The following PARD3B variants were observed in gnomAD, a reference collection of about 807,000 sequenced individuals.
PARD3B encodes par-3 family cell polarity regulator beta.
Under a neutral mutation model 130.2 loss-of-function variants are expected in PARD3B, and 103 were observed. The observed-to-expected ratio is 0.79, with a 90% CI of 0.67 to 0.93. The LOEUF (loss-of-function observed/expected upper bound fraction) is 0.93. Among genes scored for constraint, PARD3B ranks in the 40% least tolerant of loss-of-function variants. The pLI is 0.00. For synonymous variants in PARD3B, 583 were observed against 553.2 expected (o/e 1.05, Z -0.76); for missense variants, 1,609 against 1,499.2 (o/e 1.07, Z -1.21).
At position 205,125,724 on chromosome 2, in the gene PARD3B, TGCCCCGAGA is replaced by T. The variant is rs2031308664; in HGVS notation, c.1423_1431del (p.Pro475_Glu477del). On this transcript the variant is annotated inframe_deletion, in exon 10 of 23. Coordinates refer to ENST00000406610, the MANE Select transcript of PARD3B (RefSeq NM_001302769.2). This position sits in a 1 kb window ranked among gnomAD's most constrained non-coding sequence, Gnocchi z 4.0. ...ATTGCCCGCCAAGAAGGACATTTTC[TGCCCCGAGA>T]GTTGGTAATGTTCAGATCTCAGTCT... The T allele has an allele frequency of 6.2e-7, 1 of 1,614,162 alleles. No homozygotes were observed. The highest frequency in any genetic ancestry group is 8.5e-7 in the Non-Finnish European group (1 of 1,180,028).
At chr2:205,246,031 A>G (rs1001651468) in intron 16 of PARD3B, among the ~76,000 whole-genome samples, 2 of 152,170 alleles carry the variant, frequency 1.3e-5, no homozygotes, top group African/African-American at 2.4e-5. Context: ...TTTGGGAGGA[A>G]AGAATAAAGA....
At chr2:205,200,800 C>T (rs1341481356) in intron 15 of PARD3B, among the ~76,000 whole-genome samples, 2 of 151,996 alleles carry the variant, frequency 1.3e-5, no homozygotes, top group South Asian at 2.1e-4. Flanking sequence ...ACTGAGGGGA[C>T]GTGAAGGTAT....
chr2:204,956,056 G>T (rs1054907329), intron 2 of PARD3B, among the ~76,000 whole-genome samples: 8 of 152,226 alleles, frequency 5.3e-5, no homozygotes, highest in Non-Finnish European at 1.2e-4. Context: ...AATGTCAGGA[G>T]GCCAGATTGG....
chr2:205,161,522 A>T (rs2034504202), intron 11 of PARD3B, among the ~76,000 whole-genome samples: 1 of 152,194 alleles, frequency 6.6e-6, no homozygotes, highest in Non-Finnish European at 1.5e-5. Context: ...CCAGGGGAAA[A>T]AAAAGTATTT....
At chr2:205,567,839 A>G (rs7566612) in intron 22 of PARD3B, among the ~76,000 whole-genome samples, 90,108 of 151,472 alleles carry the variant, frequency 0.59, 27,723 homozygotes, top group Middle Eastern at 0.77. Flanking sequence ...GTGAGGAAGG[A>G]AAAGGAAGAA....
intron 2 of PARD3B, among the ~76,000 whole-genome samples, chr2:204,802,751 A>C (rs1458789215): frequency 6.6e-6 from 1 of 152,102 alleles, no homozygotes; most frequent in Non-Finnish European, 1.5e-5. Flanking sequence ...ACAGAAAACC[A>C]AACACCGCAT....
At chr2:204,979,901 G>A (rs1692521142) in intron 3 of PARD3B, among the ~76,000 whole-genome samples, 1 of 152,136 alleles carries the variant, frequency 6.6e-6, no homozygotes, top group Admixed American at 6.5e-5. Context: ...GAGAGACAAT[G>A]TATAAGACTA....
At chr2:205,512,787 C>A (rs2050635621) in intron 21 of PARD3B, among the ~76,000 whole-genome samples, 1 of 152,096 alleles carries the variant, frequency 6.6e-6, no homozygotes, top group African/African-American at 2.4e-5. Context: ...ATGAGAAAGA[C>A]AATCCCCATC....
At chr2:205,322,508 G>C (rs950169690) in intron 18 of PARD3B, among the ~76,000 whole-genome samples, 5 of 152,178 alleles carry the variant, frequency 3.3e-5, no homozygotes, top group African/African-American at 1.2e-4. Flanking sequence ...AAAAAACAAA[G>C]CAGTAGTATC....
chr2:205,329,599 G>A (rs922667232), intron 18 of PARD3B, among the ~76,000 whole-genome samples: 23 of 152,346 alleles, frequency 1.5e-4, no homozygotes, highest in African/African-American at 5.3e-4. Context: ...ACATTCAGAT[G>A]TTAAGAAGCA....
chr2:204,588,039 A>G (rs1381828602), intron 1 of PARD3B, among the ~76,000 whole-genome samples: 1 of 152,156 alleles, frequency 6.6e-6, no homozygotes, highest in East Asian at 1.9e-4. Context: ...AGAATGGGCT[A>G]ATACATCCCC....
chr2:205,482,006 G>A (rs1437727794), intron 20 of PARD3B, among the ~76,000 whole-genome samples: 1 of 152,194 alleles, frequency 6.6e-6, no homozygotes. Context: ...CCCATGAGAT[G>A]TTGCAGCTAG....
Position 204,967,687 on chromosome 2 carries a change from G to C in PARD3B, c.394+2364G>C, listed in dbSNP as rs1374649763. On this transcript the variant is annotated intron_variant, in intron 3 of 22. Transcript: ENST00000406610. The surrounding 1 kb of genome is among the most constrained non-coding windows in gnomAD (Gnocchi z 4.4). The stretch of plus-strand genomic sequence containing the variant: ...AAGCAAAGAAAAAACATATTTGTCA[G>C]GTTTTTCAGATAGCGAAGTTAAAGA... Among the ~76,000 whole-genome samples, 3 of 152,200 alleles carry C rather than the reference G, an allele frequency of 2.0e-5. No homozygotes were observed. The highest frequency in any genetic ancestry group is 7.2e-5 in the African/African-American group (3 of 41,446).
At chr2:205,532,487 G>C (rs374790440) in intron 21 of PARD3B, among the ~76,000 whole-genome samples, 21 of 152,272 alleles carry the variant, frequency 1.4e-4, no homozygotes, top group African/African-American at 4.3e-4. Context: ...GCAGTGCTTG[G>C]GGGGGAAATG....
intron 1 of PARD3B, among the ~76,000 whole-genome samples, chr2:204,559,079 C>T (rs552467597): frequency 6.6e-6 from 1 of 152,152 alleles, no homozygotes; most frequent in Non-Finnish European, 1.5e-5. Context: ...GACCTAAAAC[C>T]ATGAAAACCG....
intron 1 of PARD3B, among the ~76,000 whole-genome samples, chr2:204,636,653 C>A (rs1468940028): frequency 6.6e-6 from 1 of 152,142 alleles, no homozygotes; most frequent in East Asian, 1.9e-4. Context: ...TACCCTCCTG[C>A]CATCTTGTGC....
chr2:204,953,955 C>T (rs1213123387), intron 2 of PARD3B, among the ~76,000 whole-genome samples: 4 of 152,074 alleles, frequency 2.6e-5, no homozygotes, highest in Non-Finnish European at 5.9e-5. Flanking sequence ...GTCAACTGTT[C>T]CCAGAAAAGA....
At chr2:204,696,654 G>A (rs2037624863) in intron 2 of PARD3B, among the ~76,000 whole-genome samples, 1 of 152,078 alleles carries the variant, frequency 6.6e-6, no homozygotes, top group Non-Finnish European at 1.5e-5. Context: ...AGGCTTTTAA[G>A]TTGTAGCGTT....
At chr2:205,145,309 C>T (rs1161010503) in intron 10 of PARD3B, among the ~76,000 whole-genome samples, 1 of 146,134 alleles carries the variant, frequency 6.8e-6, no homozygotes, top group Non-Finnish European at 1.5e-5. Context: ...CTTCCCAATC[C>T]AACCCTCCGC....
Sources: gnomAD v4.1 joint callset for allele counts (sites outside exome capture counted in the v4.1 genomes callset) on GRCh38, gnomAD v4.1.1 for gene constraint, Gnocchi (gnomAD v3.1) non-coding constraint, MANE v1.5 for transcripts, NCBI Gene and HGNC (gene_info 2026-07-23, HGNC 2026-07-21) for gene names.